The following ACTR3 variants were observed in gnomAD, a reference collection of about 807,000 sequenced individuals.
The protein encoded by ACTR3 is actin-related protein 3.
A neutral mutation model predicts 56.8 loss-of-function variants in ACTR3; 12 were observed. The observed-to-expected ratio is 0.21, with a 90% CI of 0.14 to 0.34. The LOEUF (loss-of-function observed/expected upper bound fraction) is 0.34. ACTR3 is among the 10% of genes least tolerant of loss of function. ACTR3 has a pLI of 1.00. For missense variants in ACTR3, 282 were observed against 512.5 expected (o/e 0.55, Z 4.34); for synonymous variants, 162 against 167.4 (o/e 0.97, Z 0.25).
At chr2:113,908,857 T>C (rs1679252214) in intron 1 of ACTR3, among the ~76,000 whole-genome samples, 1 of 152,188 alleles carries the variant, frequency 6.6e-6, no homozygotes, top group African/African-American at 2.4e-5. Context: ...TAGATAACTT[T>C]ACTTTTTTAG....
chr2:113,947,099 G>A (rs1353027079), intron 8 of ACTR3, among the ~76,000 whole-genome samples: 13 of 152,178 alleles, frequency 8.5e-5, no homozygotes, highest in Admixed American at 7.8e-4. Context: ...CCATTTATAT[G>A]TGAGTAGATT....
intron 1 of ACTR3, among the ~76,000 whole-genome samples, chr2:113,912,560 CCTT>C (rs1282685695): frequency 2.0e-5 from 3 of 152,204 alleles, no homozygotes; most frequent in East Asian, 1.9e-4. Context: ...AAACAAATCT[CCTT>C]CTCATTTCTG....
At chr2:113,936,324 A>G (rs1243598124) in intron 6 of ACTR3, among the ~76,000 whole-genome samples, 4 of 140,006 alleles carry the variant, frequency 2.9e-5, no homozygotes, top group Non-Finnish European at 4.6e-5. Context: ...AAAAAAAAAA[A>G]GGTTGGTGGG....
At chr2:113,941,707 T>C (rs1351596258) in intron 7 of ACTR3, among the ~76,000 whole-genome samples, 1 of 152,198 alleles carries the variant, frequency 6.6e-6, no homozygotes, top group East Asian at 1.9e-4. Flanking sequence ...TTTATATTTT[T>C]AGCCTTTTTT....
intron 8 of ACTR3, among the ~76,000 whole-genome samples, chr2:113,944,625 G>C (rs1471176382): frequency 3.3e-5 from 5 of 150,428 alleles, no homozygotes; most frequent in Admixed American, 6.6e-5. Flanking sequence ...AGCTGGGCGT[G>C]GTGGTGGGCG....
At chr2:113,942,724 T>C (rs904277322) in intron 8 of ACTR3, among the ~76,000 whole-genome samples, 28 of 152,090 alleles carry the variant, frequency 1.8e-4, no homozygotes, top group African/African-American at 6.7e-4. Context: ...GCTCCCCCCC[T>C]CCCTATTTGT....
rs1679666026 is a variant in ACTR3, at chr2:113,928,812, TA to T, written c.336+1358del. Among the ~76,000 whole-genome samples the T allele has an allele frequency of 2.0e-5, 3 of 152,304 alleles. No individual in the cohort carries two copies. The South Asian group carries it at 6.2e-4, about 32-fold the overall frequency. ...CATACATCTGTGTAACCTAAACTCT[TA>T]CCAAGATATAGAGAAATTACTATCA... On this transcript the variant is annotated intron_variant, in intron 4 of 11. Coordinates refer to ENST00000263238, the MANE Select transcript of ACTR3 (RefSeq NM_005721.5).
chr2:113,902,800 G>A (rs984046261), intron 1 of ACTR3, among the ~76,000 whole-genome samples: 7 of 152,052 alleles, frequency 4.6e-5, no homozygotes, highest in African/African-American at 1.4e-4. Flanking sequence ...GGGTTTCGCC[G>A]TGTTGGCCAG....
intron 1 of ACTR3, among the ~76,000 whole-genome samples, chr2:113,898,157 A>G (rs1679042712): frequency 6.6e-6 from 1 of 152,016 alleles, no homozygotes. Context: ...TTGCCTAGTT[A>G]TAGAGATTAT....
chr2:113,935,328 G>A (rs1679807341), intron 6 of ACTR3, among the ~76,000 whole-genome samples: 1 of 152,098 alleles, frequency 6.6e-6, no homozygotes, highest in Non-Finnish European at 1.5e-5. Flanking sequence ...ACCCTACAAA[G>A]GAACCCTGTA....
At chr2:113,909,692 A>C (rs1679267093) in intron 1 of ACTR3, among the ~76,000 whole-genome samples, 1 of 147,950 alleles carries the variant, frequency 6.8e-6, no homozygotes, top group Non-Finnish European at 1.5e-5. Context: ...AATAGACAAG[A>C]TATAAGGGAA....
intron 1 of ACTR3, among the ~76,000 whole-genome samples, chr2:113,893,559 T>C (rs1678948358): frequency 6.6e-6 from 1 of 152,206 alleles, no homozygotes. Context: ...CCCAAAGTGC[T>C]GGGATTACAG....
rs1476910171 is a variant in ACTR3, at chr2:113,961,914, TA to T, written c.*4461del. On this transcript the variant is annotated 3_prime_UTR_variant, in exon 12 of 12. Transcript: ENST00000263238. The stretch of plus-strand genomic sequence containing the variant: ...GTACTTTGCTCCTAAAATTTTTACC[TA>T]AGTGTTACATCCAACAACAGATGAA... 6.7e-6 allele frequency: 1 copy of T among 149,522 alleles called. No homozygotes were observed. The highest frequency in any genetic ancestry group is 1.5e-5 in the Non-Finnish European group (1 of 67,888). 9.3% of individuals were successfully genotyped at this position (149,522 alleles called of 1,614,324 possible). A position where few individuals can be genotyped will look rare whatever the true frequency, so the allele number is the denominator to read the frequency against.
intron 1 of ACTR3, among the ~76,000 whole-genome samples, chr2:113,891,652 T>G (rs1303664754): frequency 1.3e-5 from 2 of 151,694 alleles, no homozygotes; most frequent in Non-Finnish European, 2.9e-5. Flanking sequence ...ATTGATTTCA[T>G]TATTGTTACT....
chr2:113,933,292 C>T (rs1679756536), intron 5 of ACTR3, among the ~76,000 whole-genome samples: 1 of 152,098 alleles, frequency 6.6e-6, no homozygotes, highest in Non-Finnish European at 1.5e-5. Flanking sequence ...AGGTGAATCA[C>T]AAGGTCAGGA....
At chr2:113,891,199 T>C (rs1044565366) in intron 1 of ACTR3, among the ~76,000 whole-genome samples, 6 of 152,282 alleles carry the variant, frequency 3.9e-5, no homozygotes, top group Admixed American at 3.9e-4. Flanking sequence ...CTTAAAAAAA[T>C]GTACTTATGT....
intron 11 of ACTR3, among the ~76,000 whole-genome samples, chr2:113,956,159 G>A (rs550549866): frequency 3.3e-5 from 5 of 151,992 alleles, no homozygotes; most frequent in East Asian, 1.9e-4. Context: ...CCCAAAGAGC[G>A]CTGAGTTTAC....
chr2:113,947,927 T>C (rs928550651), intron 8 of ACTR3, among the ~76,000 whole-genome samples: 2 of 152,198 alleles, frequency 1.3e-5, no homozygotes, highest in Non-Finnish European at 1.5e-5. Flanking sequence ...TGTTTTGTTT[T>C]CTTTTTTTTA....
At chr2:113,953,802 A>T (rs558353728) in intron 10 of ACTR3, 1 of 152,212 alleles carries the variant, frequency 6.6e-6, no homozygotes, top group African/African-American at 2.4e-5. Flanking sequence ...ATTAACCTTG[A>T]TCCAGTGTTA....
Sources: gnomAD v4.1 joint callset for allele counts (sites outside exome capture counted in the v4.1 genomes callset) on GRCh38, gnomAD v4.1.1 for gene constraint, MANE v1.5 for transcripts, NCBI Gene and HGNC (gene_info 2026-07-23, HGNC 2026-07-21) for gene names.